QTMAN: variants seen among roughly 807,000 people sequenced by gnomAD.
QTMAN encodes queuosine-tRNA mannosyltransferase.
At chr2:144,080,011 T>A in the QTMAN span, among the ~76,000 whole-genome samples, 14 of 152,110 alleles carry the variant, frequency 9.2e-5, no homozygotes, top group African/African-American at 3.1e-4. Context: ...AAATTTTCCA[T>A]ACATCCTTTA....
the QTMAN span, among the ~76,000 whole-genome samples, chr2:144,248,748 TA>T: frequency 5.3e-4 from 76 of 143,374 alleles, no homozygotes; most frequent in Middle Eastern, 3.6e-3. Flanking sequence ...TTTTTTAACT[TA>T]AAAAAAAAAA....
At chr2:144,133,254 TAA>T in the QTMAN span, among the ~76,000 whole-genome samples, 8 of 32,058 alleles carry the variant, frequency 2.5e-4, no homozygotes, top group African/African-American at 1.1e-3. Flanking sequence ...TAAATATATA[TAA>T]ATATATATAA....
the QTMAN span, among the ~76,000 whole-genome samples, chr2:144,040,067 C>T: frequency 1.3e-5 from 2 of 152,148 alleles, no homozygotes; most frequent in Non-Finnish European, 2.9e-5. Context: ...AAGTAATGTG[C>T]CCCTTTGCTT....
At chr2:144,235,818 G>C in the QTMAN span, 1 of 152,462 alleles carries the variant, frequency 6.6e-6, no homozygotes, top group Non-Finnish European at 1.5e-5. Context: ...GTCAAGAGCT[G>C]ATTCGGATGA....
At chr2:144,040,219 A>G in the QTMAN span, among the ~76,000 whole-genome samples, 39 of 152,196 alleles carry the variant, frequency 2.6e-4, no homozygotes, top group Non-Finnish European at 5.7e-4. Context: ...TTGTAGAAGC[A>G]TACATGAATA....
the QTMAN span, among the ~76,000 whole-genome samples, chr2:143,949,942 C>T: frequency 2.0e-5 from 3 of 151,456 alleles, no homozygotes; most frequent in Non-Finnish European, 3.0e-5. Context: ...CCAGTTTTTC[C>T]TAATAATTGT....
chr2:144,295,462 C>T, the QTMAN span: 7 of 152,170 alleles, frequency 4.6e-5, no homozygotes, highest in African/African-American at 1.4e-4. Flanking sequence ...CCCTATGAAT[C>T]CAGCATTTTC....
At chr2:144,315,689 T>C in the QTMAN span, among the ~76,000 whole-genome samples, 1 of 152,228 alleles carries the variant, frequency 6.6e-6, no homozygotes, top group African/African-American at 2.4e-5. Flanking sequence ...GCCCTCCTAC[T>C]TCTCACCTCT....
the QTMAN span, among the ~76,000 whole-genome samples, chr2:144,310,698 G>C: frequency 6.6e-5 from 10 of 152,160 alleles, no homozygotes; most frequent in Non-Finnish European, 1.5e-4. Context: ...CTGTGAATGT[G>C]AAAGAAAAAG....
chr2:144,319,154 A>G, the QTMAN span, among the ~76,000 whole-genome samples: 1 of 152,230 alleles, frequency 6.6e-6, no homozygotes, highest in South Asian at 2.1e-4. Context: ...TTCTATGGAC[A>G]CTAACACCAT....
the QTMAN span, among the ~76,000 whole-genome samples, chr2:144,100,708 A>C: frequency 6.6e-6 from 1 of 152,138 alleles, no homozygotes; most frequent in African/African-American, 2.4e-5. Context: ...GTGTTGACTT[A>C]CTTATACAGG....
chr2:144,280,433 A>T, the QTMAN span, among the ~76,000 whole-genome samples: 2 of 152,208 alleles, frequency 1.3e-5, no homozygotes, highest in African/African-American at 4.8e-5. Context: ...AACAGCATAG[A>T]TGCAGCCTTC....
At chr2:144,121,662 T>C in the QTMAN span, among the ~76,000 whole-genome samples, 3 of 152,234 alleles carry the variant, frequency 2.0e-5, no homozygotes, top group Non-Finnish European at 4.4e-5. Context: ...CTCTGCTTTA[T>C]AGGACCTAAG....
the QTMAN span, chr2:143,943,328 A>T: frequency 6.6e-6 from 1 of 152,332 alleles, no homozygotes; most frequent in Non-Finnish European, 1.5e-5. Flanking sequence ...GTGGTTTATA[A>T]TATACTCTCT....
At chr2:144,282,153 A>G in the QTMAN span, among the ~76,000 whole-genome samples, 6 of 152,144 alleles carry the variant, frequency 3.9e-5, no homozygotes, top group Non-Finnish European at 7.4e-5. Flanking sequence ...CATTATTAAT[A>G]GTTTCTAAAC....
At chr2:144,286,286 T>C in the QTMAN span, among the ~76,000 whole-genome samples, 1 of 152,218 alleles carries the variant, frequency 6.6e-6, no homozygotes, top group Non-Finnish European at 1.5e-5. Context: ...GTCCTAGTTT[T>C]AAGCCACTGT....
chr2:144,057,310 A>T, the QTMAN span, among the ~76,000 whole-genome samples: 3 of 152,236 alleles, frequency 2.0e-5, no homozygotes, highest in Non-Finnish European at 4.4e-5. Context: ...CCATTTATTC[A>T]TCCATTATAT....
chr2:144,044,606 G>A, the QTMAN span, among the ~76,000 whole-genome samples: 2 of 152,118 alleles, frequency 1.3e-5, no homozygotes, highest in East Asian at 3.9e-4. Flanking sequence ...GGTAATAAAA[G>A]TTACAGTTCT....
the QTMAN span, among the ~76,000 whole-genome samples, chr2:144,215,013 T>C: frequency 2.0e-5 from 3 of 151,882 alleles, no homozygotes; most frequent in Non-Finnish European, 2.9e-5. Flanking sequence ...GAGGCTGAGG[T>C]AGGAGAACTG....
Sources: allele counts gnomAD v4.1 joint callset (sites outside exome capture counted in the v4.1 genomes callset), GRCh38; gene constraint gnomAD v4.1.1; transcripts MANE v1.5; gene names NCBI Gene and HGNC (gene_info 2026-07-23, HGNC 2026-07-21).